Variants in MFN1 observed in about 807,000 individuals in gnomAD.
The protein encoded by MFN1 is mitofusin-1.
Under a neutral mutation model 92.4 loss-of-function variants are expected in MFN1, and 65 were observed. The ratio of observed to expected loss-of-function variants is 0.70; its 90% CI spans 0.58 to 0.86. The LOEUF (loss-of-function observed/expected upper bound fraction) is 0.86, where lower values mean the gene tolerates loss of function less well. MFN1 is among the 40% of genes least tolerant of loss of function. The pLI, the probability that MFN1 is intolerant of heterozygous loss-of-function variation, is 0.00. For missense variants in MFN1, 781 were observed against 868.0 expected (o/e 0.90, Z 1.26); for synonymous variants, 297 against 300.9 (o/e 0.99, Z 0.13).
intron 9 of MFN1, among the ~76,000 whole-genome samples, chr3:179,373,964 C>T (rs549169919): frequency 3.0e-4 from 45 of 151,906 alleles, no homozygotes; most frequent in African/African-American, 9.4e-4. Flanking sequence ...TGAGCCACCA[C>T]GCCCGGCCCA....
At chr3:179,363,305 C>G (rs1401951151) in intron 5 of MFN1, among the ~76,000 whole-genome samples, 2 of 152,108 alleles carry the variant, frequency 1.3e-5, no homozygotes, top group African/African-American at 4.8e-5. Flanking sequence ...AGGCTGGTCT[C>G]AAACTCCTGG....
Position 179,386,620 on chromosome 3 carries a change from A to C in MFN1, c.2003A>C (p.Gln668Pro). The C allele has an allele frequency of 1.2e-6, 2 of 1,607,016 alleles. No individual in the cohort carries two copies. Among genetic ancestry groups the C allele is most frequent in the Non-Finnish European group, 1.7e-6 (2 of 1,177,324 alleles). ...VSSTSANCSH[Q>P]VKQQIATTFA... Reference sequence around the variant, plus strand: ...TCCACGAGTGCAAACTGCAGTCACCAAGTAAAACAGTAAGTTGGAAGGTGC... The same window carrying C: ...TCCACGAGTGCAAACTGCAGTCACCCAGTAAAACAGTAAGTTGGAAGGTGC... The change falls in exon 16 of 18, where the codon CAA becomes CCA. Residue 668 changes from glutamine to proline, a missense_variant. Transcript: ENST00000471841.
At chr3:179,373,466 T>C (rs1713098931) in intron 9 of MFN1, among the ~76,000 whole-genome samples, 1 of 152,080 alleles carries the variant, frequency 6.6e-6, no homozygotes, top group African/African-American at 2.4e-5. Flanking sequence ...TTGTATTAGC[T>C]AAATATATAG....
chr3:179,351,085 G>A (rs376001968), intron 2 of MFN1, among the ~76,000 whole-genome samples: 28 of 152,320 alleles, frequency 1.8e-4, no homozygotes, highest in African/African-American at 5.1e-4. Flanking sequence ...GATTATAGGC[G>A]TGAGCCCCCA....
chr3:179,350,096 T>C (rs1468127659), intron 2 of MFN1, among the ~76,000 whole-genome samples: 1 of 151,458 alleles, frequency 6.6e-6, no homozygotes, highest in Non-Finnish European at 1.5e-5. Flanking sequence ...GAGGTTGCAG[T>C]GAACCGAAGT....
Position 179,365,184 on chromosome 3 carries a change from C to A in MFN1, c.712C>A (p.Arg238Ser). 1 of 1,550,518 alleles carries A rather than the reference C, an allele frequency of 6.4e-7. No homozygotes were observed. Among genetic ancestry groups the A allele is most frequent in the Non-Finnish European group, 8.6e-7 (1 of 1,157,942 alleles). ...GCCTAATATTTTCATTCTCAATAAT[C>A]GTTGGGATGCCTCTGCATCAGAGCC... Reference protein sequence around the residue: ...SKPNIFILNNRWDASASEPEY... With the variant: ...SKPNIFILNNSWDASASEPEY... The change falls in exon 7 of 18, where the codon CGT (arginine) becomes AGT (serine). Residue 238 changes from arginine (R) to serine (S), a missense_variant. Physicochemically the swap from Arg to Ser is moderately radical, Grantham distance 110. Coordinates refer to ENST00000471841, the MANE Select transcript of MFN1 (RefSeq NM_033540.3).
chr3:179,381,379 A>G (rs536080404), intron 14 of MFN1, among the ~76,000 whole-genome samples: 14 of 152,342 alleles, frequency 9.2e-5, no homozygotes, highest in African/African-American at 2.9e-4. Context: ...CACCTAACAA[A>G]GTACTGTGTA....
intron 14 of MFN1, among the ~76,000 whole-genome samples, chr3:179,380,257 G>A (rs1356636674): frequency 6.6e-6 from 1 of 152,184 alleles, no homozygotes; most frequent in Non-Finnish European, 1.5e-5. Context: ...AAACATCACT[G>A]TTTTGCCATT....
chr3:179,388,688 A>G (rs1431617856), intron 16 of MFN1, among the ~76,000 whole-genome samples: 2 of 152,262 alleles, frequency 1.3e-5, no homozygotes, highest in Non-Finnish European at 2.9e-5. Flanking sequence ...TACTTAAATC[A>G]TGAAGGATAG....
At chr3:179,362,705 T>C (rs1013691288) in intron 5 of MFN1, among the ~76,000 whole-genome samples, 1 of 152,190 alleles carries the variant, frequency 6.6e-6, no homozygotes, top group African/African-American at 2.4e-5. Flanking sequence ...ATGGCCACTT[T>C]TTTTGGCCAG....
rs747765482 is a variant in MFN1, at chr3:179,348,943, A to G, written c.92A>G (p.Glu31Gly). 3 of 1,590,736 alleles carry G rather than the reference A, an allele frequency of 1.9e-6. No homozygotes were observed. Among genetic ancestry groups the G allele is most frequent in the South Asian group, 2.2e-5 (2 of 89,954 alleles). The change falls in exon 2 of 18, where the codon GAA becomes GGA. Residue 31 changes from glutamate (E) to glycine (G), a missense_variant. Transcript: ENST00000471841. The stretch of plus-strand genomic sequence containing the variant: ...GACCAGTTACTGGAGTTTGTTACTG[A>G]AGGATCACATTTTGTTGAAGGTTAG... ...IFDQLLEFVT[E>G]GSHFVEATYK...
At chr3:179,367,380 CGTTG>C (rs1393125408) in intron 7 of MFN1, 55 bp from the exon 8 acceptor site, 12 of 1,453,508 alleles carry the variant, frequency 8.3e-6, no homozygotes, top group Non-Finnish European at 1.0e-5. Context: ...GGTCTATAGT[CGTTG>C]GTTATTATAT....
chr3:179,372,094 AT>A lies in MFN1; in HGVS notation c.976-3125del, dbSNP rs1713046715. Among the ~76,000 whole-genome samples, 5 of 147,194 alleles carry A rather than the reference AT, an allele frequency of 3.4e-5. 1 individual carries two copies. The Admixed American group carries it at 3.4e-4, about 10-fold the overall frequency. On this transcript the variant is annotated intron_variant, in intron 9 of 17. Coordinates refer to ENST00000471841, the MANE Select transcript of MFN1 (RefSeq NM_033540.3). The stretch of plus-strand genomic sequence containing the variant: ...ATTATATAATACATATATAAATATT[AT>A]ATATAATGTTATATATAAATATTAT...
intron 12 of MFN1, 176 bp from the exon 13 acceptor site, chr3:179,378,165 A>C: frequency 1.7e-6 from 1 of 599,194 alleles, no homozygotes; most frequent in Non-Finnish European, 2.9e-6. Flanking sequence ...TCAAGGCTAC[A>C]GTGAGTCAAG....
chr3:179,363,342 T>A (rs1712657123), intron 5 of MFN1, among the ~76,000 whole-genome samples: 2 of 152,126 alleles, frequency 1.3e-5, no homozygotes, highest in African/African-American at 4.8e-5. Flanking sequence ...CATCTCAGCC[T>A]CCCAAAGTGC....
At position 179,394,439 on chromosome 3, in the gene MFN1, G is replaced by T. The variant is rs1236028152; in HGVS notation, c.*2380G>T. 1 of 111,596 alleles carries T rather than the reference G, an allele frequency of 9.0e-6. No homozygotes were observed. The highest frequency in any genetic ancestry group is 1.0e-4 in the Admixed American group (1 of 9,636). 6.9% of individuals were successfully genotyped at this position (111,596 alleles called of 1,614,324 possible). A position where few individuals can be genotyped will look rare whatever the true frequency, so the allele number is the denominator to read the frequency against. On this transcript the variant is annotated 3_prime_UTR_variant, in exon 18 of 18. Coordinates refer to ENST00000471841, the MANE Select transcript of MFN1 (RefSeq NM_033540.3). ...TTTTTTTTTTTTTTTTTTTTGAGACGGAGTCTCGCTCTGTCGCCCAGGCTG... is the reference window on the plus strand; with the variant it reads ...TTTTTTTTTTTTTTTTTTTTGAGACTGAGTCTCGCTCTGTCGCCCAGGCTG...
chr3:179,386,015 C>A (rs574666408), intron 15 of MFN1, among the ~76,000 whole-genome samples: 36 of 152,256 alleles, frequency 2.4e-4, no homozygotes, highest in African/African-American at 7.9e-4. Flanking sequence ...AATAAGAAAA[C>A]CCCAGGTGCC....
At chr3:179,370,676 C>T (rs546149768) in intron 9 of MFN1, among the ~76,000 whole-genome samples, 2 of 152,236 alleles carry the variant, frequency 1.3e-5, no homozygotes, top group Non-Finnish European at 2.9e-5. Flanking sequence ...TCCCAAAGTG[C>T]TGGGACTACA....
intron 9 of MFN1, 129 bp from the exon 10 acceptor site, chr3:179,375,091 A>T (rs1713186267): frequency 1.3e-5 from 14 of 1,039,386 alleles, no homozygotes; most frequent in Non-Finnish European, 1.8e-5. Context: ...TTGTGCTTTT[A>T]TCACTCATTT....
Sources: allele counts gnomAD v4.1 joint callset (sites outside exome capture counted in the v4.1 genomes callset), GRCh38; gene constraint gnomAD v4.1.1; transcripts MANE v1.5; gene names NCBI Gene and HGNC (gene_info 2026-07-23, HGNC 2026-07-21).